Variants in ZNF638 observed in about 807,000 individuals in gnomAD.
ZNF638 encodes the protein zinc finger protein 638.
Under a neutral mutation model 195.6 loss-of-function variants are expected in ZNF638, and 46 were observed. The ratio of observed to expected loss-of-function variants is 0.24; its 90% CI spans 0.19 to 0.30. The LOEUF (loss-of-function observed/expected upper bound fraction) is 0.30, where lower values mean the gene tolerates loss of function less well. Among genes scored for constraint, ZNF638 ranks in the 10% least tolerant of loss-of-function variants. ZNF638 has a pLI of 1.00. For missense variants in ZNF638, 2,440 were observed against 2,325.3 expected (o/e 1.05, Z -1.01); for synonymous variants, 845 against 772.0 (o/e 1.09, Z -1.57).
At chr2:71,411,422 T>C (rs1039118991) in intron 20 of ZNF638, among the ~76,000 whole-genome samples, 1 of 151,014 alleles carries the variant, frequency 6.6e-6, no homozygotes, top group Non-Finnish European at 1.5e-5. Context: ...TTTCTGAGGA[T>C]GTTCTTTTGA....
At chr2:71,373,710 G>A (rs373741717) in intron 8 of ZNF638, among the ~76,000 whole-genome samples, 19 of 151,148 alleles carry the variant, frequency 1.3e-4, no homozygotes, top group South Asian at 8.4e-4. Flanking sequence ...GAGCCACCTC[G>A]CCCGGCCAAG....
intron 1 of ZNF638, among the ~76,000 whole-genome samples, chr2:71,340,637 T>TA (rs1239994903): frequency 1.2e-4 from 18 of 152,234 alleles, no homozygotes; most frequent in African/African-American, 4.1e-4. Context: ...GTGGGAAGAT[T>TA]ATAGAATACT....
intron 20 of ZNF638, 21 bp from the exon 21 acceptor site, chr2:71,418,581 A>G (rs1282572554): frequency 3.9e-6 from 6 of 1,522,084 alleles, no homozygotes; most frequent in Non-Finnish European, 5.3e-6. Context: ...AGCCTCTAAT[A>G]AAATGCTGAT....
At chr2:71,430,177 A>T (rs2152608604) in intron 25 of ZNF638, among the ~76,000 whole-genome samples, 1 of 152,158 alleles carries the variant, frequency 6.6e-6, no homozygotes, top group East Asian at 1.9e-4. Flanking sequence ...TGTAAACTTA[A>T]ATCATTTATT....
intron 6 of ZNF638, among the ~76,000 whole-genome samples, chr2:71,366,598 T>A (rs924234572): frequency 2.6e-5 from 4 of 152,200 alleles, no homozygotes; most frequent in African/African-American, 9.6e-5. Context: ...CACAAGCAGA[T>A]CACTGTGATG....
chr2:71,404,558 CTT>C (rs758661044), intron 17 of ZNF638, among the ~76,000 whole-genome samples: 15 of 152,170 alleles, frequency 9.9e-5, no homozygotes, highest in East Asian at 7.8e-4. Context: ...GCCTACAAAA[CTT>C]AAAATAATTA....
At position 71,364,259 on chromosome 2, in the gene ZNF638, T is replaced by C; in HGVS notation, c.1717+7T>C. 2.5e-6 allele frequency: 4 copies of C among 1,603,594 alleles called. No homozygotes were observed. The highest frequency in any genetic ancestry group is 3.4e-6 in the Non-Finnish European group (4 of 1,174,212). ...AGATCAGTGAGATCATCAGGTACAC[T>C]GATGGCCATGAAATAGTGAATGTAC... On this transcript the variant is annotated splice_region_variant and intron_variant, in intron 5 of 27. Transcript: ENST00000264447.
chr2:71,409,523 A>G (rs2080169582), intron 20 of ZNF638, among the ~76,000 whole-genome samples: 1 of 152,168 alleles, frequency 6.6e-6, no homozygotes, highest in Non-Finnish European at 1.5e-5. Flanking sequence ...GGGTTTATAA[A>G]GAAGGCAATA....
intron 3 of ZNF638, among the ~76,000 whole-genome samples, chr2:71,360,195 A>C (rs1257105157): frequency 6.6e-6 from 1 of 152,226 alleles, no homozygotes. Context: ...AAGGAAGAAA[A>C]ACATTTATGT....
chr2:71,434,663 A>T, intron 27 of ZNF638, 79 bp from the exon 28 acceptor site: 1 of 1,166,634 alleles, frequency 8.6e-7, no homozygotes, highest in East Asian at 2.5e-5. Context: ...TTTAAATTAT[A>T]AATATACAGT....
chr2:71,346,882 A>C (rs1430309169), intron 1 of ZNF638, among the ~76,000 whole-genome samples: 6 of 151,962 alleles, frequency 3.9e-5, no homozygotes, highest in Admixed American at 3.9e-4. Context: ...TTAGCCAGGT[A>C]GCATGGTGGC....
intron 6 of ZNF638, 41 bp downstream of exon 6, chr2:71,365,747 C>T: frequency 6.6e-7 from 1 of 1,519,634 alleles, no homozygotes. Flanking sequence ...GATAAGGTTT[C>T]ACTCTGTCAT....
intron 5 of ZNF638, among the ~76,000 whole-genome samples, chr2:71,365,121 CTAACA>C (rs1001384759): frequency 1.3e-5 from 2 of 152,140 alleles, no homozygotes; most frequent in Non-Finnish European, 2.9e-5. Flanking sequence ...TTGCACCAAC[CTAACA>C]TATGAATTGA....
chr2:71,355,612 G>A (rs1455299316), intron 2 of ZNF638, 107 bp from the exon 3 acceptor site: 9 of 821,456 alleles, frequency 1.1e-5, no homozygotes, highest in South Asian at 5.4e-5. Flanking sequence ...TTATGAGTAC[G>A]TTTGTTTAAT....
At chr2:71,419,691 TAA>T (rs1278996006) in intron 21 of ZNF638, among the ~76,000 whole-genome samples, 1 of 152,128 alleles carries the variant, frequency 6.6e-6, no homozygotes, top group Non-Finnish European at 1.5e-5. Context: ...AAGGGCTTAA[TAA>T]ATAACAGTGC....
intron 3 of ZNF638, among the ~76,000 whole-genome samples, chr2:71,358,394 G>A (rs970044547): frequency 6.6e-6 from 1 of 152,052 alleles, no homozygotes; most frequent in East Asian, 1.9e-4. Flanking sequence ...ATACCAAATC[G>A]CTCTCTCGTC....
At chr2:71,376,096 T>G (rs2079417489) in intron 8 of ZNF638, 1 of 152,224 alleles carries the variant, frequency 6.6e-6, no homozygotes, top group Non-Finnish European at 1.5e-5. Context: ...AACTTTTTGA[T>G]GAAGTTGGTA....
rs1213308503 is a variant in ZNF638 at position 71,423,378 on chromosome 2, C to T, written c.3864C>T (p.Pro1288=). 1.9e-6 allele frequency: 3 copies of T among 1,613,676 alleles called. No individual in the cohort carries two copies. Among genetic ancestry groups the T allele is most frequent in the South Asian group, 1.1e-5 (1 of 91,064 alleles). Residue 1288 remains proline (P), a synonymous_variant, in exon 22 of 28, where the codon CCC becomes CCT. Transcript: ENST00000264447. ...TCIVTLVPGI[P]TGDEKTVDKK... ...TTGTGACGTTAGTACCAGGAATTCC[C>T]ACTGGGGATGAGAAGACAGTGGACA...
intron 18 of ZNF638, 123 bp downstream of exon 18, chr2:71,405,765 G>A: frequency 2.8e-6 from 2 of 705,488 alleles, no homozygotes; most frequent in African/African-American, 1.8e-5. Flanking sequence ...TGATGGAGAT[G>A]TCAGATGGGT....
Sources: gnomAD v4.1 joint callset for allele counts (sites outside exome capture counted in the v4.1 genomes callset) on GRCh38, gnomAD v4.1.1 for gene constraint, MANE v1.5 for transcripts, NCBI Gene and HGNC (gene_info 2026-07-23, HGNC 2026-07-21) for gene names.